Variants in ATAD1 observed in about 807,000 individuals in gnomAD.
The protein encoded by ATAD1 is ATPase family AAA domain containing 1.
A neutral mutation model predicts 42.7 loss-of-function variants in ATAD1; 18 were observed. The observed-to-expected ratio is 0.42, with a 90% CI of 0.29 to 0.63. ATAD1 has a LOEUF of 0.63. Among genes scored for constraint, ATAD1 ranks in the 20% least tolerant of loss-of-function variants. The pLI, the probability that ATAD1 is intolerant of heterozygous loss-of-function variation, is 0.19. For missense variants in ATAD1, 294 were observed against 440.4 expected (o/e 0.67, Z 2.98); for synonymous variants, 132 against 143.1 (o/e 0.92, Z 0.55).
At chr10:87,807,392 T>C (rs765149172) in intron 2 of ATAD1, among the ~76,000 whole-genome samples, 6 of 152,164 alleles carry the variant, frequency 3.9e-5, no homozygotes, top group Admixed American at 1.3e-4. Context: ...AAAATAGTTA[T>C]ACTAATTTAT....
chr10:87,787,126 G>C (rs1339288028), intron 4 of ATAD1, among the ~76,000 whole-genome samples: 1 of 152,096 alleles, frequency 6.6e-6, no homozygotes, highest in Non-Finnish European at 1.5e-5. Context: ...ATGAATGTGA[G>C]GCATTTAGCT....
chr10:87,823,784 A>T (rs1857674607), intron 1 of ATAD1, among the ~76,000 whole-genome samples: 1 of 152,164 alleles, frequency 6.6e-6, no homozygotes, highest in Non-Finnish European at 1.5e-5. Flanking sequence ...GCCTTCTCTC[A>T]TTTACCTGAT....
chr10:87,815,256 T>C (rs915456407), intron 1 of ATAD1, among the ~76,000 whole-genome samples: 4 of 151,992 alleles, frequency 2.6e-5, no homozygotes, highest in Non-Finnish European at 2.9e-5. Flanking sequence ...ACTACAAGAA[T>C]ACAGCACTCA....
chr10:87,825,851 G>A (rs1247373147), intron 1 of ATAD1, among the ~76,000 whole-genome samples: 2 of 152,116 alleles, frequency 1.3e-5, no homozygotes, highest in African/African-American at 4.8e-5. Context: ...ACAGGTAGGA[G>A]CCACCATGCC....
chr10:87,790,699 T>G (rs555764533), intron 3 of ATAD1, among the ~76,000 whole-genome samples: 11 of 152,166 alleles, frequency 7.2e-5, no homozygotes, highest in Non-Finnish European at 1.6e-4. Flanking sequence ...GCTAAATTCA[T>G]TCCACTTGTA....
At chr10:87,779,289 ACT>A (rs1042325471) in intron 5 of ATAD1, among the ~76,000 whole-genome samples, 2 of 152,114 alleles carry the variant, frequency 1.3e-5, no homozygotes, top group Admixed American at 6.5e-5. Flanking sequence ...CAAGAGTGAA[ACT>A]CTGTCTCAAA....
chr10:87,814,510 T>C lies in ATAD1; in HGVS notation c.90A>G (p.Thr30=), dbSNP rs1298033470. Reference sequence around the variant, plus strand: ...CTACCATCCATTTGATAGTAAAGTATGTCACTGCACCAAATATTGTCAAAC... The same window carrying C: ...CTACCATCCATTTGATAGTAAAGTACGTCACTGCACCAAATATTGTCAAAC... ...IFRLTIFGAV[T]YFTIKWMVDA... The change falls in exon 2 of 10, where the codon ACA becomes ACG. Residue 30 remains threonine, a synonymous_variant. Coordinates refer to ENST00000680024, the MANE Select transcript of ATAD1 (RefSeq NM_001321967.2). 4 of 1,612,048 alleles carry C rather than the reference T, an allele frequency of 2.5e-6. No individual in the cohort carries two copies. Among genetic ancestry groups the C allele is most frequent in the Non-Finnish European group, 3.4e-6 (4 of 1,179,152 alleles).
intron 1 of ATAD1, chr10:87,832,994 A>G (rs1322795183): frequency 6.6e-6 from 1 of 152,098 alleles, no homozygotes; most frequent in Non-Finnish European, 1.5e-5. Flanking sequence ...ATTGATGCCA[A>G]ACTTAGTGCC....
At chr10:87,803,986 A>G (rs1362481486) in intron 2 of ATAD1, among the ~76,000 whole-genome samples, 1 of 152,176 alleles carries the variant, frequency 6.6e-6, no homozygotes, top group East Asian at 1.9e-4. Context: ...TCTCAGTCTT[A>G]TAAGACTCAG....
At chr10:87,816,530 A>G (rs1857421042) in intron 1 of ATAD1, among the ~76,000 whole-genome samples, 1 of 152,140 alleles carries the variant, frequency 6.6e-6, no homozygotes, top group South Asian at 2.1e-4. Context: ...AGATATCACC[A>G]CTTCATTCAA....
intron 4 of ATAD1, among the ~76,000 whole-genome samples, chr10:87,785,170 T>A (rs1368495767): frequency 6.6e-6 from 1 of 152,148 alleles, no homozygotes; most frequent in Non-Finnish European, 1.5e-5. Flanking sequence ...AAATTATCAG[T>A]CACTCCTGTT....
intron 8 of ATAD1, among the ~76,000 whole-genome samples, chr10:87,764,727 T>C (rs1854653600): frequency 6.6e-6 from 1 of 152,104 alleles, no homozygotes; most frequent in Non-Finnish European, 1.5e-5. Flanking sequence ...CTACCAATAT[T>C]AGAGCAACAA....
At chr10:87,781,675 C>G (rs1450995905) in intron 5 of ATAD1, among the ~76,000 whole-genome samples, 1 of 151,948 alleles carries the variant, frequency 6.6e-6, no homozygotes, top group Non-Finnish European at 1.5e-5. Context: ...GGGTCTTGCT[C>G]TGTTGCCCAG....
chr10:87,818,236 G>C (rs911608247), upstream of ATAD1: 1 of 985,440 alleles, frequency 1.0e-6, no homozygotes, highest in Non-Finnish European at 1.2e-6. Context: ...CAACCTGGGA[G>C]AGAACGCTTC....
intron 1 of ATAD1, among the ~76,000 whole-genome samples, chr10:87,827,272 A>G (rs1857747657): frequency 6.6e-6 from 1 of 152,236 alleles, no homozygotes. Flanking sequence ...GAAATTCTAA[A>G]TTATGACAGT....
upstream of ATAD1, among the ~76,000 whole-genome samples, chr10:87,820,955 A>G (rs950769139): frequency 1.3e-5 from 2 of 152,172 alleles, no homozygotes. Context: ...AATTCAATAT[A>G]TATAATATTA....
At chr10:87,839,418 G>A (rs993317232) in intron 1 of ATAD1, among the ~76,000 whole-genome samples, 2 of 152,204 alleles carry the variant, frequency 1.3e-5, no homozygotes, top group Admixed American at 6.5e-5. Flanking sequence ...TATAAGAAAC[G>A]AGGATCGTAT....
intron 6 of ATAD1, among the ~76,000 whole-genome samples, chr10:87,774,939 A>G (rs1402931888): frequency 1.3e-5 from 2 of 152,166 alleles, no homozygotes; most frequent in African/African-American, 4.8e-5. Context: ...TGGGCAACAG[A>G]GTGAGACCCT....
chr10:87,800,088 T>A (rs961580161), intron 2 of ATAD1, among the ~76,000 whole-genome samples: 8 of 144,790 alleles, frequency 5.5e-5, no homozygotes, highest in East Asian at 2.0e-4. Context: ...AGGATTTATT[T>A]AAAAAAAAAA....
Sources: gnomAD v4.1 joint callset for allele counts (sites outside exome capture counted in the v4.1 genomes callset) on GRCh38, gnomAD v4.1.1 for gene constraint, MANE v1.5 for transcripts, NCBI Gene and HGNC (gene_info 2026-07-23, HGNC 2026-07-21) for gene names.